ZNF428: variants seen among roughly 807,000 people sequenced by gnomAD.
The protein encoded by ZNF428 is enzyme-like protein PIT13.
A neutral mutation model predicts 15.6 loss-of-function variants in ZNF428; 5 were observed. That is an observed-to-expected ratio of 0.32 (90% CI 0.17 to 0.67). The LOEUF is 0.67. Ranked by LOEUF, ZNF428 falls within the 30% of genes least tolerant of loss-of-function variation. The pLI, the probability that ZNF428 is intolerant of heterozygous loss-of-function variation, is 0.73. For synonymous variants in ZNF428, 97 were observed against 102.2 expected (o/e 0.95, Z 0.31); for missense variants, 237 against 256.0 (o/e 0.93, Z 0.51).
At position 43,607,374 on chromosome 19, in the gene ZNF428, CA is replaced by C; in HGVS notation, c.*242del. On this transcript the variant is annotated 3_prime_UTR_variant, in exon 3 of 3. Transcript: ENST00000300811. The surrounding 1 kb of genome is among the most constrained non-coding windows in gnomAD (Gnocchi z 5.1). ...CCCAAGAAGGAGCCCAGGGGGAATA[CA>C]CACACACACACACACACACAAACAC... 6.4e-6 allele frequency: 1 copy of C among 157,320 alleles called. No homozygotes were observed. Among genetic ancestry groups the C allele is most frequent in the Non-Finnish European group, 1.2e-5 (1 of 81,468 alleles). The allele number at this position is 157,320 out of a possible 1,614,324, so 9.7% of individuals were successfully genotyped here.
Position 43,612,061 on chromosome 19 carries a change from G to A in ZNF428, c.76+2168C>T, listed in dbSNP as rs941967373. 1.0e-5 allele frequency: 13 copies of A among 1,290,156 alleles called. No individual in the cohort carries two copies. The highest frequency in any genetic ancestry group is 4.4e-5 in the African/African-American group (3 of 67,590). 79.9% of individuals were successfully genotyped at this position (1,290,156 alleles called of 1,614,324 possible). On this transcript the variant is annotated intron_variant, in intron 2 of 2. Coordinates refer to ENST00000300811, the MANE Select transcript of ZNF428 (RefSeq NM_182498.4). This position sits in a 1 kb window ranked among gnomAD's most constrained non-coding sequence, Gnocchi z 4.2. The stretch of plus-strand genomic sequence containing the variant: ...GACAGGCAATCAGGTCATCGTCCAC[G>A]GCTACCAGGTGTTTCATGTCTACTG...
intron 2 of ZNF428, chr19:43,613,202 AAGGAAAGAAGTCATAGCC>A (rs1296094581): frequency 1.3e-6 from 2 of 1,551,726 alleles, no homozygotes; most frequent in Non-Finnish European, 1.7e-6. Context: ...AAACCCCAGC[AAGGAAAGAAGTCATAGCC>A]ATTCCAGAAG....
chr19:43,609,087 G>A (rs1973269313), intron 2 of ZNF428, among the ~76,000 whole-genome samples: 1 of 152,140 alleles, frequency 6.6e-6, no homozygotes, highest in African/African-American at 2.4e-5. Context: ...CCTTGCTATT[G>A]TAGGAGCCCT....
intron 2 of ZNF428, among the ~76,000 whole-genome samples, chr19:43,609,984 C>G (rs1973278630): frequency 6.6e-6 from 1 of 152,070 alleles, no homozygotes; most frequent in African/African-American, 2.4e-5. Context: ...GCTACTGCAC[C>G]CTGTGCTCCG....
Position 43,607,976 on chromosome 19 carries a change from G to A in ZNF428, c.208C>T (p.Arg70Cys), listed in dbSNP as rs759543944. The part of the protein sequence containing the change: ...EYDPGYKVKQ[R>C]LGGGRGGPSR... ...GGGCCACCACGGCCCCCGCCAAGGC[G>A]CTGCTTCACCTTGTAGCCAGGATCA... is the stretch of plus-strand genomic sequence containing the variant. Residue 70 changes from arginine to cysteine, a missense_variant, in exon 3 of 3, where the codon CGC (arginine) becomes TGC (cysteine). By Grantham distance (180) the Arg-to-Cys change is radical. Transcript: ENST00000300811. The surrounding 1 kb of genome is among the most constrained non-coding windows in gnomAD (Gnocchi z 5.1). 9.3e-6 allele frequency: 15 copies of A among 1,607,590 alleles called. No individual in the cohort carries two copies. Among genetic ancestry groups the A allele is most frequent in the African/African-American group, 6.7e-5 (5 of 74,792 alleles).
intron 1 of ZNF428, among the ~76,000 whole-genome samples, chr19:43,617,914 C>G (rs1480381371): frequency 6.6e-6 from 1 of 151,430 alleles, no homozygotes; most frequent in Non-Finnish European, 1.5e-5. Context: ...CAGGTTGGAG[C>G]GCAGTAGCGC....
chr19:43,614,169 G>A, intron 2 of ZNF428, 60 bp downstream of exon 2: 1 of 1,614,064 alleles, frequency 6.2e-7, no homozygotes, highest in Non-Finnish European at 8.5e-7. Context: ...CCCAGTGGGG[G>A]CCAAACCCTA....
rs751074347 is a variant in ZNF428, at chr19:43,614,090, A to G, written c.76+139T>C. On this transcript the variant is annotated intron_variant, in intron 2 of 2. Transcript: ENST00000300811. ...AAGTCCCGACTGGAAGAGATCCCCT[A>G]CTAGGACAAGCAGTCTCAGTCAGAA... 31 of 1,570,674 alleles carry G rather than the reference A, an allele frequency of 2.0e-5. No homozygotes were observed. In the South Asian group the frequency reaches 3.4e-4, roughly 17 times the overall value.
chr19:43,612,342 C>T lies in ZNF428; in HGVS notation c.76+1887G>A, dbSNP rs763566500. ...AAATCGACCAGTACAAAAAGAGCCC[C>T]TTCTAACCGGCCCAGCAGCAGGTCC... On this transcript the variant is annotated intron_variant, in intron 2 of 2. Coordinates refer to ENST00000300811, the MANE Select transcript of ZNF428 (RefSeq NM_182498.4). The surrounding 1 kb of genome is among the most constrained non-coding windows in gnomAD (Gnocchi z 4.2). 5 of 1,551,672 alleles carry T rather than the reference C, an allele frequency of 3.2e-6. No homozygotes were observed. Among genetic ancestry groups the T allele is most frequent in the Middle Eastern group, 1.7e-4 (1 of 5,992 alleles).
At position 43,612,471 on chromosome 19, in the gene ZNF428, C is replaced by T. The variant is rs775552697; in HGVS notation, c.76+1758G>A. On this transcript the variant is annotated intron_variant, in intron 2 of 2. Coordinates refer to ENST00000300811, the MANE Select transcript of ZNF428 (RefSeq NM_182498.4). The surrounding 1 kb of genome is among the most constrained non-coding windows in gnomAD (Gnocchi z 4.2). Reference sequence around the variant, plus strand: ...GTGAGATGCCACCAGCGGAGGGGCACACACAGCCGGGGTAGGACACCTGGC... The same window carrying T: ...GTGAGATGCCACCAGCGGAGGGGCATACACAGCCGGGGTAGGACACCTGGC... The T allele has an allele frequency of 1.2e-5, 19 of 1,545,774 alleles. No individual in the cohort carries two copies. Among genetic ancestry groups the T allele is most frequent in the Admixed American group, 2.0e-5 (1 of 50,690 alleles).
At chr19:43,614,760 G>A (rs895178889) in intron 1 of ZNF428, among the ~76,000 whole-genome samples, 1 of 152,134 alleles carries the variant, frequency 6.6e-6, no homozygotes, top group Admixed American at 6.5e-5. Flanking sequence ...CCTCACGCCC[G>A]GCTAATTTTG....
In ZNF428 at chr19:43,607,528, C is replaced by T. The variant is rs762383467; in HGVS notation, c.*89G>A. The T allele has an allele frequency of 2.9e-5, 42 of 1,444,414 alleles. No individual in the cohort carries two copies. The highest frequency in any genetic ancestry group is 3.8e-5 in the Non-Finnish European group (41 of 1,083,812). The allele number at this position is 1,444,414 out of a possible 1,614,324, so 89.5% of individuals were successfully genotyped here. ...ACAACACAGACCGGCAGTACCCCAT[C>T]CCCCATGACCACTGTCACAACCCCA... On this transcript the variant is annotated 3_prime_UTR_variant, in exon 3 of 3. Transcript: ENST00000300811. This position sits in a 1 kb window ranked among gnomAD's most constrained non-coding sequence, Gnocchi z 5.1.
rs1568534876 is a variant in ZNF428, at chr19:43,612,997, T to C, written c.76+1232A>G. On this transcript the variant is annotated intron_variant, in intron 2 of 2. Coordinates refer to ENST00000300811, the MANE Select transcript of ZNF428 (RefSeq NM_182498.4). The surrounding 1 kb of genome is among the most constrained non-coding windows in gnomAD (Gnocchi z 4.2). ...CTAGAAGCCCCAGAAGGTCAAGAAG[T>C]GGCAGTCAGAAGAGGACGCACAGCA... 1.3e-6 allele frequency: 2 copies of C among 1,551,406 alleles called. No homozygotes were observed. The highest frequency in any genetic ancestry group is 1.7e-6 in the Non-Finnish European group (2 of 1,146,916).
At chr19:43,618,323 G>C (rs1324112553) in intron 1 of ZNF428, among the ~76,000 whole-genome samples, 3 of 151,690 alleles carry the variant, frequency 2.0e-5, no homozygotes, top group Non-Finnish European at 4.4e-5. Context: ...GTGAGCCACC[G>C]CGCCCAGCCT....
intron 2 of ZNF428, among the ~76,000 whole-genome samples, chr19:43,610,140 C>A (rs1447389394): frequency 6.6e-6 from 1 of 151,894 alleles, no homozygotes; most frequent in East Asian, 1.9e-4. Context: ...TCAAGTGTCA[C>A]CTTCTCAGTG....
chr19:43,613,545 G>C (rs1188413507), intron 2 of ZNF428: 3 of 1,551,160 alleles, frequency 1.9e-6, no homozygotes, highest in Non-Finnish European at 2.6e-6. Flanking sequence ...GATCGCAGCC[G>C]ATCTAGAAGC....
Position 43,607,962 on chromosome 19 carries a change from G to GC in ZNF428, c.221dup (p.Arg75ProfsTer53). 6.3e-7 allele frequency: 1 copy of GC among 1,597,474 alleles called. No homozygotes were observed. The highest frequency in any genetic ancestry group is 1.1e-5 in the South Asian group (1 of 89,576). On this transcript the variant is annotated frameshift_variant, in exon 3 of 3. Transcript: ENST00000300811. LOFTEE classifies it high-confidence loss of function. This position sits in a 1 kb window ranked among gnomAD's most constrained non-coding sequence, Gnocchi z 5.1. ...GGGCCCGGCGGGATGGGCCACCACG[G>GC]CCCCCGCCAAGGCGCTGCTTCACCT...
At chr19:43,614,090 A>C (rs751074347) in intron 2 of ZNF428, 139 bp downstream of exon 2, 2 of 1,570,674 alleles carry the variant, frequency 1.3e-6, no homozygotes, top group South Asian at 2.3e-5. Context: ...GAGATCCCCT[A>C]CTAGGACAAG....
intron 2 of ZNF428, among the ~76,000 whole-genome samples, chr19:43,610,650 T>C (rs1022844589): frequency 2.6e-5 from 4 of 152,144 alleles, no homozygotes; most frequent in African/African-American, 9.7e-5. Context: ...ACTTATGACA[T>C]ATTTATGGCA....
Sources: allele counts gnomAD v4.1 joint callset (sites outside exome capture counted in the v4.1 genomes callset), GRCh38; gene constraint gnomAD v4.1.1; non-coding constraint Gnocchi (gnomAD v3.1); transcripts MANE v1.5; gene names NCBI Gene and HGNC (gene_info 2026-07-23, HGNC 2026-07-21).